GCNT1: variants seen among roughly 807,000 people sequenced by gnomAD.
The protein encoded by GCNT1 is glucosaminyl (N-acetyl) transferase 1.
In GCNT1, 16 loss-of-function variants were observed where a neutral mutation model predicts 26.2. The ratio of observed to expected loss-of-function variants is 0.61; its 90% confidence interval spans 0.41 to 0.93. The LOEUF is 0.93. GCNT1 is among the 40% of genes least tolerant of loss of function. GCNT1 has a pLI of 0.00. For missense variants in GCNT1, 477 were observed against 526.7 expected (o/e 0.91, Z 0.92); for synonymous variants, 183 against 190.8 (o/e 0.96, Z 0.34).
the GCNT1 span, among the ~76,000 whole-genome samples, chr9:76,405,706 T>C: frequency 6.6e-6 from 1 of 152,260 alleles, no homozygotes; most frequent in Non-Finnish European, 1.5e-5. Flanking sequence ...CCTCCACGTC[T>C]TCATGGCTTG....
intron 1 of GCNT1, among the ~76,000 whole-genome samples, chr9:76,421,781 C>T (rs1428006133): frequency 1.4e-5 from 2 of 147,588 alleles, no homozygotes; most frequent in Non-Finnish European, 3.0e-5. Flanking sequence ...GCAGCCTCCA[C>T]CTCCTGGGCT....
At chr9:76,497,033 T>G (rs946951581) in intron 2 of GCNT1, among the ~76,000 whole-genome samples, 1 of 152,214 alleles carries the variant, frequency 6.6e-6, no homozygotes, top group African/African-American at 2.4e-5. Context: ...TTCCCAGAAT[T>G]CATGAGCTTT....
chr9:76,485,566 C>G (rs1189001761), intron 2 of GCNT1, among the ~76,000 whole-genome samples: 1 of 152,166 alleles, frequency 6.6e-6, no homozygotes, highest in Non-Finnish European at 1.5e-5. Context: ...AGCAGGGGTT[C>G]TCTGTTTCTC....
At chr9:76,396,352 G>T in the GCNT1 span, among the ~76,000 whole-genome samples, 87 of 152,328 alleles carry the variant, frequency 5.7e-4, no homozygotes, top group African/African-American at 2.0e-3. Flanking sequence ...CACTCTGGGA[G>T]ACCGAGGTGA....
intron 2 of GCNT1, among the ~76,000 whole-genome samples, chr9:76,487,405 A>G (rs1824609048): frequency 6.6e-6 from 1 of 152,230 alleles, no homozygotes; most frequent in South Asian, 2.1e-4. Context: ...ATAAGTATTC[A>G]CTGGGACTAG....
At chr9:76,443,939 AAGGAAGGAAGGAAGG>A (rs759996011) in intron 1 of GCNT1, among the ~76,000 whole-genome samples, 2,465 of 60,284 alleles carry the variant, frequency 0.041, 40 homozygotes, top group Non-Finnish European at 0.057. Flanking sequence ...GAAAGGAAGG[AAGGAAGGAAGGAAGG>A]AAGGAAGGAA....
At chr9:76,411,697 CTT>C in the GCNT1 span, among the ~76,000 whole-genome samples, 163 of 83,630 alleles carry the variant, frequency 1.9e-3, 2 homozygotes, top group East Asian at 8.1e-3. Flanking sequence ...ATCAATTATA[CTT>C]TTTTTTTTTT....
rs540234665 is a variant in GCNT1, at chr9:76,451,472, T to C, written c.-290+9157T>C. On this transcript the variant is annotated intron_variant, in intron 1 of 2. Transcript: ENST00000442371. ...GACTAAGAAACGGTCTCCTGGGGAC[T>C]CTGGTTGGTGTTGTTCCCACAAAAC... Among the ~76,000 whole-genome samples the C allele has an allele frequency of 1.8e-4, 28 of 152,314 alleles. No homozygotes were observed. In the South Asian group the frequency reaches 3.5e-3, roughly 19 times the overall value.
Position 76,502,425 on chromosome 9 carries a change from C to G in GCNT1, c.44C>G (p.Thr15Ser), listed in dbSNP as rs1423841387. Residue 15 changes from threonine (T) to serine (S), a missense_variant, in exon 4 of 4, where the codon ACC (threonine) becomes AGC (serine). Transcript: ENST00000376730. ...LLRRRLFSYPTKYYFMVLVLS... is the reference protein window; with the variant it reads ...LLRRRLFSYPSKYYFMVLVLS... ...CGAAGGAGACTTTTTTCTTATCCCA[C>G]CAAATACTACTTTATGGTTCTTGTT... The G allele has an allele frequency of 1.9e-6, 3 of 1,613,370 alleles. No individual in the cohort carries two copies. In the Admixed American group the frequency reaches 5.0e-5, roughly 27 times the overall value.
intron 1 of GCNT1, among the ~76,000 whole-genome samples, chr9:76,442,870 T>TTTTTTTTTTTTTTTTGAGACGG (rs1310296650): frequency 6.6e-6 from 1 of 151,314 alleles, no homozygotes; most frequent in Non-Finnish European, 1.5e-5. Context: ...AGCACTTTTA[T>TTTTTTTTTTTTTTTTGAGACGG]AGATGTTGGG....
intron 2 of GCNT1, among the ~76,000 whole-genome samples, chr9:76,461,582 C>CAAAAA (rs932569597): frequency 7.6e-6 from 1 of 132,142 alleles, no homozygotes; most frequent in Admixed American, 7.9e-5. Flanking sequence ...GAGTCTGTCT[C>CAAAAA]AAAAAAAAAA....
intron 1 of GCNT1, among the ~76,000 whole-genome samples, chr9:76,443,776 G>A (rs1304781520): frequency 6.6e-6 from 1 of 152,108 alleles, no homozygotes; most frequent in East Asian, 1.9e-4. Flanking sequence ...AGCTACTTGG[G>A]AGGCTGAAGC....
intron 2 of GCNT1, 63 bp downstream of exon 2, chr9:76,460,240 G>C (rs1172496883): frequency 6.6e-6 from 1 of 152,366 alleles, no homozygotes; most frequent in East Asian, 1.9e-4. Flanking sequence ...TACACCCTTT[G>C]CCTTGTTATT....
chr9:76,472,152 C>T (rs1824145005), intron 2 of GCNT1, among the ~76,000 whole-genome samples: 1 of 152,146 alleles, frequency 6.6e-6, no homozygotes, highest in Non-Finnish European at 1.5e-5. Context: ...TGGCGTTCGC[C>T]TGTAATCCCA....
At chr9:76,495,081 C>T (rs990144474) in intron 2 of GCNT1, among the ~76,000 whole-genome samples, 9 of 152,080 alleles carry the variant, frequency 5.9e-5, no homozygotes, top group African/African-American at 1.2e-4. Flanking sequence ...ATTTAGCCAC[C>T]GAATTCTAAG....
the GCNT1 span, chr9:76,393,875 C>G: frequency 9.0e-6 from 5 of 553,500 alleles, 1 homozygote; most frequent in South Asian, 4.6e-5. Flanking sequence ...ACCCCTCAAC[C>G]CCGTCCCCGC....
chr9:76,467,412 C>T (rs1824025448), intron 2 of GCNT1, among the ~76,000 whole-genome samples: 1 of 151,810 alleles, frequency 6.6e-6, no homozygotes, highest in Non-Finnish European at 1.5e-5. Flanking sequence ...CCTTTTCAAG[C>T]CCCTTCCACA....
upstream of GCNT1, among the ~76,000 whole-genome samples, chr9:76,417,632 C>T (rs2131567708): frequency 6.6e-6 from 1 of 152,320 alleles, no homozygotes; most frequent in Non-Finnish European, 1.5e-5. Flanking sequence ...CAACAGGAAA[C>T]TCCTTTGGTG....
At chr9:76,499,475 C>G (rs2131641030) in intron 2 of GCNT1, among the ~76,000 whole-genome samples, 1 of 152,206 alleles carries the variant, frequency 6.6e-6, no homozygotes, top group East Asian at 1.9e-4. Flanking sequence ...CTTTTGGTCT[C>G]CATTGTTGTT....
Sources: allele counts gnomAD v4.1 joint callset (sites outside exome capture counted in the v4.1 genomes callset), GRCh38; gene constraint gnomAD v4.1.1; transcripts MANE v1.5; gene names NCBI Gene and HGNC (gene_info 2026-07-23, HGNC 2026-07-21).